Variants in LHFPL2 observed in about 807,000 individuals in gnomAD.
The protein encoded by LHFPL2 is LHFPL tetraspan subfamily member 2, also known as LHFPL tetraspan subfamily member 2 protein.
In LHFPL2, 7 loss-of-function variants were observed where a neutral mutation model predicts 17.5. The ratio of observed to expected loss-of-function variants is 0.40; its 90% confidence interval spans 0.23 to 0.75. The LOEUF is 0.75. Among genes scored for constraint, LHFPL2 ranks in the 30% least tolerant of loss-of-function variants. The pLI, the probability that LHFPL2 is intolerant of heterozygous loss-of-function variation, is 0.37. For synonymous variants in LHFPL2, 134 were observed against 116.2 expected (o/e 1.15, Z -0.99); for missense variants, 241 against 294.8 (o/e 0.82, Z 1.34).
chr5:78,623,596 A>G (rs191617966), intron 2 of LHFPL2, among the ~76,000 whole-genome samples: 1 of 152,300 alleles, frequency 6.6e-6, no homozygotes, highest in East Asian at 1.9e-4. Flanking sequence ...TGTGCATTCT[A>G]AAATACCCTC....
At chr5:78,500,611 G>A (rs1354976013) in intron 4 of LHFPL2, among the ~76,000 whole-genome samples, 26 of 152,100 alleles carry the variant, frequency 1.7e-4, no homozygotes, top group Admixed American at 1.7e-3. Flanking sequence ...TGCCAGATGG[G>A]CTGCTATCTT....
intron 4 of LHFPL2, among the ~76,000 whole-genome samples, chr5:78,503,229 TGTTA>T (rs1580750873): frequency 6.6e-6 from 1 of 152,254 alleles, no homozygotes; most frequent in East Asian, 1.9e-4. Flanking sequence ...AATGATTATT[TGTTA>T]ATGTAATTTG....
intron 2 of LHFPL2, among the ~76,000 whole-genome samples, chr5:78,611,530 AGTCC>A (rs951388679): frequency 6.6e-6 from 1 of 152,186 alleles, no homozygotes; most frequent in Non-Finnish European, 1.5e-5. Flanking sequence ...AAGACTGGGA[AGTCC>A]CTCCGGAGAA....
Position 78,612,747 on chromosome 5 carries a change from G to A in LHFPL2, c.-245+19517C>T, listed in dbSNP as rs142962192. On this transcript the variant is annotated intron_variant, in intron 2 of 4. Coordinates refer to ENST00000380345, the MANE Select transcript of LHFPL2 (RefSeq NM_005779.3). ...GTAAACAGCGACAACCCAGAGGCCT[G>A]GTGCCAGGCGCAGTCTTCAAAGAGC... Among the ~76,000 whole-genome samples the A allele has an allele frequency of 3.1e-3, 476 of 152,308 alleles. 4 individuals are homozygous for A. Among genetic ancestry groups the A allele is most frequent in the African/African-American group, 0.011 (463 of 41,566 alleles).
intron 2 of LHFPL2, chr5:78,625,106 T>G (rs996885518): frequency 1.3e-5 from 2 of 152,020 alleles, no homozygotes; most frequent in African/African-American, 2.4e-5. Context: ...CCAAATGGAG[T>G]TGGACAGTGG....
intron 3 of LHFPL2, among the ~76,000 whole-genome samples, chr5:78,543,520 C>T (rs1756176254): frequency 6.6e-6 from 1 of 152,174 alleles, no homozygotes; most frequent in South Asian, 2.1e-4. Context: ...CCTCACTGCC[C>T]CTCTGAGAGA....
intron 2 of LHFPL2, among the ~76,000 whole-genome samples, chr5:78,566,926 T>C (rs766779792): frequency 2.6e-5 from 4 of 152,238 alleles, no homozygotes; most frequent in African/African-American, 4.8e-5. Context: ...GGGTCTGTTA[T>C]AAATGGAGTT....
At chr5:78,514,805 C>T (rs1755242702) in intron 3 of LHFPL2, among the ~76,000 whole-genome samples, 1 of 152,208 alleles carries the variant, frequency 6.6e-6, no homozygotes, top group Admixed American at 6.5e-5. Flanking sequence ...AGAACACTAC[C>T]TTGCTTACTC....
chr5:78,534,184 T>G (rs1755869215), intron 3 of LHFPL2, among the ~76,000 whole-genome samples: 1 of 152,096 alleles, frequency 6.6e-6, no homozygotes, highest in Non-Finnish European at 1.5e-5. Flanking sequence ...GAGTCCCTCC[T>G]GGAGGGACAG....
chr5:78,638,142 C>T (rs1272258706), intron 1 of LHFPL2, among the ~76,000 whole-genome samples: 2 of 152,148 alleles, frequency 1.3e-5, no homozygotes, highest in African/African-American at 2.4e-5. Context: ...ATCACGAGGT[C>T]AGGAGATTGA....
intron 3 of LHFPL2, among the ~76,000 whole-genome samples, chr5:78,547,716 C>T (rs573268300): frequency 6.6e-6 from 1 of 152,278 alleles, no homozygotes; most frequent in East Asian, 1.9e-4. Context: ...AACAAAGCAG[C>T]TGGAGAAAGT....
chr5:78,525,111 C>T (rs996036688), intron 3 of LHFPL2, among the ~76,000 whole-genome samples: 1 of 152,186 alleles, frequency 6.6e-6, no homozygotes, highest in East Asian at 1.9e-4. Flanking sequence ...CAGTAGCGCG[C>T]TCTCAGTCGT....
chr5:78,625,765 C>G (rs1745011521), intron 2 of LHFPL2: 1 of 152,138 alleles, frequency 6.6e-6, no homozygotes, highest in South Asian at 2.1e-4. Context: ...ATGCAGGCAC[C>G]AAAGGTATGA....
intron 3 of LHFPL2, among the ~76,000 whole-genome samples, chr5:78,532,376 C>T (rs1240387819): frequency 1.3e-5 from 2 of 152,126 alleles, no homozygotes; most frequent in African/African-American, 4.8e-5. Flanking sequence ...CAGCTTTGAC[C>T]TTGGCTTTTC....
intron 2 of LHFPL2, among the ~76,000 whole-genome samples, chr5:78,630,050 CA>C (rs1325535591): frequency 6.6e-6 from 1 of 152,234 alleles, no homozygotes; most frequent in African/African-American, 2.4e-5. Flanking sequence ...AGTCAAGATT[CA>C]ACTAGCGACC....
At chr5:78,594,688 A>T (rs887879654) in intron 2 of LHFPL2, among the ~76,000 whole-genome samples, 1 of 152,248 alleles carries the variant, frequency 6.6e-6, no homozygotes, top group Non-Finnish European at 1.5e-5. Context: ...GAACCAAGAC[A>T]CAAGAAAGAG....
At chr5:78,572,138 A>T (rs1447756035) in intron 2 of LHFPL2, among the ~76,000 whole-genome samples, 2 of 152,090 alleles carry the variant, frequency 1.3e-5, no homozygotes, top group Non-Finnish European at 2.9e-5. Flanking sequence ...GGTAGGGGGG[A>T]TTCCAGTAGC....
chr5:78,638,640 GC>G (rs748371673), intron 1 of LHFPL2, among the ~76,000 whole-genome samples: 1 of 152,196 alleles, frequency 6.6e-6, no homozygotes, highest in Non-Finnish European at 1.5e-5. Flanking sequence ...CCGGCCGCCT[GC>G]AAAGGCTGAC....
rs565705385 is a variant in LHFPL2 at position 78,551,699 on chromosome 5, T to C, written c.-186+13114A>G. Among the ~76,000 whole-genome samples the C allele has an allele frequency of 2.6e-5, 4 of 152,294 alleles. No homozygotes were observed. In the South Asian group the frequency reaches 8.3e-4, roughly 32 times the overall value. Reference sequence around the variant, plus strand: ...GTCTCCTGAGGCAGGCCACAAAAACTAGAATCCCACTTCCCCAAGGTGGGT... The same window carrying C: ...GTCTCCTGAGGCAGGCCACAAAAACCAGAATCCCACTTCCCCAAGGTGGGT... On this transcript the variant is annotated intron_variant, in intron 3 of 4. Coordinates refer to ENST00000380345, the MANE Select transcript of LHFPL2 (RefSeq NM_005779.3).
Sources: gnomAD v4.1 joint callset for allele counts (sites outside exome capture counted in the v4.1 genomes callset) on GRCh38, gnomAD v4.1.1 for gene constraint, MANE v1.5 for transcripts, NCBI Gene and HGNC (gene_info 2026-07-23, HGNC 2026-07-21) for gene names.